The following FAM168A variants were observed in gnomAD, a reference collection of about 807,000 sequenced individuals.
FAM168A encodes protein FAM168A.
Under a neutral mutation model 28.5 loss-of-function variants are expected in FAM168A, and 3 were observed. That is an observed-to-expected ratio of 0.11 (90% CI 0.05 to 0.27). The LOEUF is 0.27. Among genes scored for constraint, FAM168A ranks in the 10% least tolerant of loss-of-function variants. FAM168A has a pLI of 1.00. For missense variants in FAM168A, 222 were observed against 311.5 expected (o/e 0.71, Z 2.16); for synonymous variants, 122 against 124.2 (o/e 0.98, Z 0.12).
rs11358691 is a variant in FAM168A at position 73,585,871 on chromosome 11, CAAAAAAAAAAAA to C, written c.-19+12040_-19+12051del. On this transcript the variant is annotated intron_variant, in intron 1 of 7. Coordinates refer to ENST00000356467, the MANE Select transcript of FAM168A (RefSeq NM_015159.3). ...TGACAAAGTAAGACTCCATCTCAAA[CAAAAAAAAAAAA>C]AAAAAAAAAAGAGATTGACCCTTTC... Among the ~76,000 whole-genome samples the C allele has an allele frequency of 8.6e-5, 7 of 81,658 alleles. No individual in the cohort carries two copies. The East Asian group carries it at 2.0e-3, about 23-fold the overall frequency. 53.6% of individuals were successfully genotyped at this position (81,658 alleles called of 152,430 possible).
chr11:73,567,267 G>C (rs1944031861), intron 1 of FAM168A, among the ~76,000 whole-genome samples: 1 of 152,162 alleles, frequency 6.6e-6, no homozygotes, highest in Non-Finnish European at 1.5e-5. Flanking sequence ...TTTCCGGCTT[G>C]AGTGACTGAG....
intron 1 of FAM168A, among the ~76,000 whole-genome samples, chr11:73,547,172 G>A (rs1943769030): frequency 6.7e-6 from 1 of 148,990 alleles, no homozygotes; most frequent in Non-Finnish European, 1.5e-5. Flanking sequence ...CGGGGGGGAG[G>A]AGGAGGAGGA....
intron 1 of FAM168A, among the ~76,000 whole-genome samples, chr11:73,551,576 A>G (rs1766501059): frequency 6.6e-6 from 1 of 152,200 alleles, no homozygotes; most frequent in African/African-American, 2.4e-5. Context: ...AAAACTGCTC[A>G]TTCTTCTCTT....
intron 1 of FAM168A, among the ~76,000 whole-genome samples, chr11:73,550,530 C>A (rs1423580609): frequency 6.6e-6 from 1 of 152,052 alleles, no homozygotes; most frequent in Non-Finnish European, 1.5e-5. Context: ...TGGCAGGTGC[C>A]TATAGTCCTA....
chr11:73,483,332 G>A (rs1332353707), intron 1 of FAM168A, among the ~76,000 whole-genome samples: 2 of 152,238 alleles, frequency 1.3e-5, no homozygotes, highest in East Asian at 3.9e-4. Context: ...GCTTTAGAAG[G>A]GTAATTACTG....
rs1044363364 is a variant in FAM168A, at chr11:73,544,695, A to C, written c.-19+53228T>G. Among the ~76,000 whole-genome samples, 12 of 125,110 alleles carry C rather than the reference A, an allele frequency of 9.6e-5. No individual in the cohort carries two copies. In the South Asian group the frequency reaches 1.6e-3, roughly 16 times the overall value. The allele number at this position is 125,110 out of a possible 152,430, so 82.1% of individuals were successfully genotyped here. A position where few individuals can be genotyped will look rare whatever the true frequency, so the allele number is the denominator to read the frequency against. ...ATAATTATATATAATTATATATTTT[A>C]TATGTAATTATATATAATTATATAT... On this transcript the variant is annotated intron_variant, in intron 1 of 7. Coordinates refer to ENST00000356467, the MANE Select transcript of FAM168A (RefSeq NM_015159.3).
chr11:73,437,632 AT>A (rs1867115258), intron 2 of FAM168A, among the ~76,000 whole-genome samples: 1 of 151,996 alleles, frequency 6.6e-6, no homozygotes, highest in East Asian at 1.9e-4. Flanking sequence ...TGAGCTAAAA[AT>A]CTGACTTATT....
chr11:73,435,341 T>C (rs973035250), intron 2 of FAM168A, among the ~76,000 whole-genome samples: 1 of 152,378 alleles, frequency 6.6e-6, no homozygotes, highest in Non-Finnish European at 1.5e-5. Context: ...CTCAGCTTCA[T>C]GTGAGAAATT....
chr11:73,463,157 C>T (rs868321660), intron 2 of FAM168A, among the ~76,000 whole-genome samples: 4 of 151,340 alleles, frequency 2.6e-5, no homozygotes, highest in African/African-American at 7.3e-5. Flanking sequence ...TTAGTAGAGA[C>T]GGGGTTTTGC....
At chr11:73,442,919 A>C (rs1867224583) in intron 2 of FAM168A, among the ~76,000 whole-genome samples, 1 of 130,360 alleles carries the variant, frequency 7.7e-6, no homozygotes, top group Non-Finnish European at 1.6e-5. Flanking sequence ...GAGGAGACAG[A>C]AGAGTCCACA....
chr11:73,514,752 G>C (rs373555243), intron 1 of FAM168A, among the ~76,000 whole-genome samples: 1 of 152,116 alleles, frequency 6.6e-6, no homozygotes, highest in Non-Finnish European at 1.5e-5. Context: ...AAGATCACCT[G>C]AACCCAGGAG....
intron 2 of FAM168A, among the ~76,000 whole-genome samples, chr11:73,438,375 C>G (rs956881661): frequency 6.6e-6 from 1 of 152,070 alleles, no homozygotes. Flanking sequence ...TTTTAGTTGG[C>G]TTTGAACAAT....
chr11:73,454,093 G>A (rs1262664569), intron 2 of FAM168A, among the ~76,000 whole-genome samples: 1 of 152,204 alleles, frequency 6.6e-6, no homozygotes, highest in Non-Finnish European at 1.5e-5. Flanking sequence ...CACTGTAGGA[G>A]AGGGCGCTGA....
At chr11:73,443,272 T>C (rs1441083070) in intron 2 of FAM168A, among the ~76,000 whole-genome samples, 2 of 151,862 alleles carry the variant, frequency 1.3e-5, no homozygotes, top group Non-Finnish European at 2.9e-5. Flanking sequence ...TGCACAAACT[T>C]TGGCCAATTT....
At position 73,524,471 on chromosome 11, in the gene FAM168A, A is replaced by G. The variant is rs1943425685; in HGVS notation, c.-18-55979T>C. ...ATAAAATTAATATTCTTAAATTTAA[A>G]TCTTTTAAATTTAAATAAATCTTAA... On this transcript the variant is annotated intron_variant, in intron 1 of 7. Coordinates refer to ENST00000356467, the MANE Select transcript of FAM168A (RefSeq NM_015159.3). Among the ~76,000 whole-genome samples, 3 of 151,996 alleles carry G rather than the reference A, an allele frequency of 2.0e-5. No individual in the cohort carries two copies. The South Asian group carries it at 6.2e-4, about 31-fold the overall frequency.
intron 1 of FAM168A, among the ~76,000 whole-genome samples, chr11:73,481,107 C>T (rs1224648717): frequency 6.6e-6 from 1 of 152,124 alleles, no homozygotes; most frequent in Non-Finnish European, 1.5e-5. Flanking sequence ...TTTGAAGATG[C>T]AGAGTATCAC....
intron 1 of FAM168A, among the ~76,000 whole-genome samples, chr11:73,587,342 A>G (rs1944327236): frequency 6.6e-6 from 1 of 151,964 alleles, no homozygotes; most frequent in African/African-American, 2.4e-5. Flanking sequence ...AAATACAAAA[A>G]TTAGCCGGGC....
intron 1 of FAM168A, among the ~76,000 whole-genome samples, chr11:73,523,648 G>T (rs1047478472): frequency 6.6e-6 from 1 of 152,102 alleles, no homozygotes; most frequent in South Asian, 2.1e-4. Flanking sequence ...GTTTCGCCAC[G>T]TTGCCCAGGC....
At chr11:73,436,142 G>C (rs754236034) in intron 2 of FAM168A, among the ~76,000 whole-genome samples, 1 of 152,144 alleles carries the variant, frequency 6.6e-6, no homozygotes, top group Non-Finnish European at 1.5e-5. Flanking sequence ...GTAGTGATCA[G>C]GTATTCTGGG....
Sources: allele counts gnomAD v4.1 joint callset (sites outside exome capture counted in the v4.1 genomes callset), GRCh38; gene constraint gnomAD v4.1.1; transcripts MANE v1.5; gene names NCBI Gene and HGNC (gene_info 2026-07-23, HGNC 2026-07-21).